PTPRD: variants seen among roughly 807,000 people sequenced by gnomAD.
PTPRD encodes the protein protein tyrosine phosphatase receptor type D, also known as receptor-type tyrosine-protein phosphatase delta.
A neutral mutation model predicts 214.5 loss-of-function variants in PTPRD; 34 were observed. The ratio of observed to expected loss-of-function variants is 0.16; its 90% CI spans 0.12 to 0.21. The LOEUF is 0.21. PTPRD is among the 10% of genes least tolerant of loss of function. The pLI, the probability that PTPRD is intolerant of heterozygous loss-of-function variation, is 1.00. For missense variants in PTPRD, 2,545 were observed against 2,398.7 expected (o/e 1.06, Z -1.27); for synonymous variants, 1,128 against 845.7 (o/e 1.33, Z -5.79).
intron 9 of PTPRD, among the ~76,000 whole-genome samples, chr9:9,223,439 G>C (rs1489931076): frequency 6.6e-6 from 1 of 151,956 alleles, no homozygotes; most frequent in South Asian, 2.1e-4. Context: ...GAGTTCTCTA[G>C]TTCACACAGA....
rs139004926 is a variant in PTPRD at position 9,618,338 on chromosome 9, A to G, written c.-286-43557T>C. Among the ~76,000 whole-genome samples the G allele has an allele frequency of 6.7e-4, 102 of 152,126 alleles. 1 individual carries two copies. The East Asian group carries it at 0.018, about 27-fold the overall frequency. ...GCAAAATTAGAGGATTACTCAAGTC[A>G]TTAGAGACTACACTTTAACCTCTTT... is the stretch of plus-strand genomic sequence containing the variant. On this transcript the variant is annotated intron_variant, in intron 7 of 45. Coordinates refer to ENST00000381196, the MANE Select transcript of PTPRD (RefSeq NM_002839.4).
At chr9:9,391,032 T>C (rs900715287) in intron 9 of PTPRD, among the ~76,000 whole-genome samples, 1 of 152,214 alleles carries the variant, frequency 6.6e-6, no homozygotes. Flanking sequence ...AAGTTGAGCT[T>C]TGCTTTAAGC....
chr9:10,308,417 C>G (rs1421429860), intron 3 of PTPRD, among the ~76,000 whole-genome samples: 1 of 151,940 alleles, frequency 6.6e-6, no homozygotes. Flanking sequence ...TTCCATTAGT[C>G]TATGTGTCTG....
intron 3 of PTPRD, among the ~76,000 whole-genome samples, chr9:10,123,509 C>A (rs2098792732): frequency 6.6e-6 from 1 of 152,112 alleles, no homozygotes; most frequent in African/African-American, 2.4e-5. Context: ...TTTCTAAAGC[C>A]TCTCTCCTAA....
At chr9:8,794,312 C>A (rs569438445) in intron 11 of PTPRD, among the ~76,000 whole-genome samples, 2 of 152,200 alleles carry the variant, frequency 1.3e-5, no homozygotes, top group South Asian at 4.2e-4. Context: ...ACTGAAGAAC[C>A]AGAGGATATG....
chr9:9,774,347 T>C (rs1230744542), intron 5 of PTPRD, among the ~76,000 whole-genome samples: 2 of 152,222 alleles, frequency 1.3e-5, no homozygotes, highest in African/African-American at 4.8e-5. Flanking sequence ...CATTTTAAGA[T>C]GTATTTTACT....
intron 3 of PTPRD, among the ~76,000 whole-genome samples, chr9:10,231,981 A>AGTGTGTGTGT (rs1259734289): frequency 2.9e-5 from 3 of 102,396 alleles, no homozygotes; most frequent in African/African-American, 4.0e-5. Context: ...AGAGAGAGAG[A>AGTGTGTGTGT]GAGAGAGAGT....
chr9:10,365,375 C>A (rs1326462199), intron 2 of PTPRD, among the ~76,000 whole-genome samples: 1 of 152,190 alleles, frequency 6.6e-6, no homozygotes, highest in African/African-American at 2.4e-5. Context: ...TCCCAAGTAG[C>A]TACATCAGCT....
intron 2 of PTPRD, among the ~76,000 whole-genome samples, chr9:10,396,733 T>C (rs1355622695): frequency 1.3e-5 from 2 of 152,026 alleles, no homozygotes; most frequent in Admixed American, 6.6e-5. Flanking sequence ...TGGGGAAGTA[T>C]ACATAACAAT....
chr9:10,064,249 G>T (rs1428073724), intron 3 of PTPRD, among the ~76,000 whole-genome samples: 1 of 151,646 alleles, frequency 6.6e-6, no homozygotes, highest in Non-Finnish European at 1.5e-5. Flanking sequence ...TTGTTTTGAG[G>T]GGCATGACAA....
intron 11 of PTPRD, among the ~76,000 whole-genome samples, chr9:8,960,570 A>G (rs1486630965): frequency 6.6e-6 from 1 of 152,114 alleles, no homozygotes. Flanking sequence ...ACAGAGCTGA[A>G]GATCAAATAT....
At chr9:8,679,473 C>G (rs746391973) in intron 12 of PTPRD, among the ~76,000 whole-genome samples, 5 of 152,174 alleles carry the variant, frequency 3.3e-5, no homozygotes, top group Non-Finnish European at 7.3e-5. Flanking sequence ...TTTCCTTTCA[C>G]CACTTGCGGG....
intron 2 of PTPRD, among the ~76,000 whole-genome samples, chr9:10,418,665 T>C (rs1039009327): frequency 2.6e-5 from 4 of 151,974 alleles, no homozygotes; most frequent in Admixed American, 2.0e-4. Context: ...CATTGTTTTG[T>C]TCCCTGCTTT....
chr9:10,197,344 T>C (rs928324153), intron 3 of PTPRD, among the ~76,000 whole-genome samples: 1 of 152,138 alleles, frequency 6.6e-6, no homozygotes, highest in African/African-American at 2.4e-5. Context: ...ACAGCAGCCA[T>C]GTATACCGAG....
chr9:8,502,357 G>C lies in PTPRD; in HGVS notation c.1823-1298C>G, dbSNP rs186500268. ...TATTTCATATTTGAATGTGTAGTCTGGGGATTTCCCTAGACTTTGTGACTC... is the reference window on the plus strand; with the variant it reads ...TATTTCATATTTGAATGTGTAGTCTCGGGATTTCCCTAGACTTTGTGACTC... On this transcript the variant is annotated intron_variant, in intron 23 of 45. Transcript: ENST00000381196. Among the ~76,000 whole-genome samples the C allele has an allele frequency of 2.6e-5, 4 of 152,058 alleles. No homozygotes were observed. The East Asian group carries it at 5.8e-4, about 22-fold the overall frequency.
intron 11 of PTPRD, among the ~76,000 whole-genome samples, chr9:8,916,529 G>C (rs115474938): frequency 0.012 from 1,761 of 152,262 alleles, 34 homozygotes; most frequent in African/African-American, 0.04. Context: ...ACTGGAGGTA[G>C]TGTGTAGAGA....
chr9:9,651,479 G>A lies in PTPRD; in HGVS notation c.-286-76698C>T, dbSNP rs367801188. On this transcript the variant is annotated intron_variant, in intron 7 of 45. Coordinates refer to ENST00000381196, the MANE Select transcript of PTPRD (RefSeq NM_002839.4). ...CTCATCATTTGGCTCCCACTTGCAAGCGAGAACATGTGGTATTTGGTTTTC... is the reference window on the plus strand; with the variant it reads ...CTCATCATTTGGCTCCCACTTGCAAACGAGAACATGTGGTATTTGGTTTTC... Among the ~76,000 whole-genome samples, 4 of 152,178 alleles carry A rather than the reference G, an allele frequency of 2.6e-5. No homozygotes were observed. The East Asian group carries it at 5.8e-4, about 22-fold the overall frequency.
At chr9:8,545,475 G>A (rs2079813616) in intron 14 of PTPRD, among the ~76,000 whole-genome samples, 1 of 152,160 alleles carries the variant, frequency 6.6e-6, no homozygotes, top group Admixed American at 6.5e-5. Flanking sequence ...AGGACATGAG[G>A]TAGTTCCGAG....
intron 14 of PTPRD, among the ~76,000 whole-genome samples, chr9:8,591,710 C>A (rs927798671): frequency 2.6e-5 from 4 of 152,134 alleles, no homozygotes; most frequent in African/African-American, 4.8e-5. Flanking sequence ...AGTTGCCATT[C>A]CATGAGCCTA....
Sources: allele counts gnomAD v4.1 joint callset (sites outside exome capture counted in the v4.1 genomes callset), GRCh38; gene constraint gnomAD v4.1.1; transcripts MANE v1.5; gene names NCBI Gene and HGNC (gene_info 2026-07-23, HGNC 2026-07-21).